PSMA1: variants seen among roughly 807,000 people sequenced by gnomAD.
PSMA1 encodes the protein proteasome subunit alpha type-1.
A neutral mutation model predicts 38.4 loss-of-function variants in PSMA1; 3 were observed. The ratio of observed to expected loss-of-function variants is 0.08; its 90% CI spans 0.04 to 0.20. PSMA1 has a LOEUF of 0.20. Among genes scored for constraint, PSMA1 ranks in the 10% least tolerant of loss-of-function variants. The pLI is 1.00. For missense variants in PSMA1, 227 were observed against 325.3 expected (o/e 0.70, Z 2.32); for synonymous variants, 101 against 107.1 (o/e 0.94, Z 0.35).
At chr11:14,603,659 G>A (rs1852610645) in intron 2 of PSMA1, among the ~76,000 whole-genome samples, 1 of 152,180 alleles carries the variant, frequency 6.6e-6, no homozygotes, top group Admixed American at 6.5e-5. Flanking sequence ...GTAAGACAAA[G>A]ATGGAAATTA....
chr11:14,541,863 T>C (rs887834208), intron 2 of PSMA1, among the ~76,000 whole-genome samples: 1 of 152,234 alleles, frequency 6.6e-6, no homozygotes, highest in African/African-American at 2.4e-5. Context: ...TCTGCAGATA[T>C]CCTATAGTCT....
chr11:14,640,256 CTG>C (rs1853182308), intron 1 of PSMA1, among the ~76,000 whole-genome samples: 1 of 152,010 alleles, frequency 6.6e-6, no homozygotes, highest in African/African-American at 2.4e-5. Context: ...AGAAGGAAGA[CTG>C]TAAGAGAGAG....
At chr11:14,558,982 G>A (rs1338475347) in intron 2 of PSMA1, among the ~76,000 whole-genome samples, 1 of 152,206 alleles carries the variant, frequency 6.6e-6, no homozygotes, top group East Asian at 1.9e-4. Flanking sequence ...GCAAGACTCA[G>A]CCAGACCACC....
intron 2 of PSMA1, among the ~76,000 whole-genome samples, chr11:14,529,642 A>G (rs1168641418): frequency 6.6e-6 from 1 of 152,242 alleles, no homozygotes; most frequent in Non-Finnish European, 1.5e-5. Context: ...AGATGTTTAC[A>G]GTTGACACTT....
Position 14,517,870 on chromosome 11 carries a change from C to T in PSMA1, c.150+10G>A. 6.3e-7 allele frequency: 1 copy of T among 1,586,108 alleles called. No individual in the cohort carries two copies. The highest frequency in any genetic ancestry group is 8.6e-7 in the Non-Finnish European group (1 of 1,164,390). ...TCTACAGAGGAAGACATATTTATTA[C>T]TGTACTTACTTTCAATGCAACCAAA... is the stretch of plus-strand genomic sequence containing the variant. On this transcript the variant is annotated intron_variant, in intron 3 of 9. Coordinates refer to ENST00000396394, the MANE Select transcript of PSMA1 (RefSeq NM_002786.4).
At chr11:14,556,224 T>C (rs1851939887) in intron 2 of PSMA1, among the ~76,000 whole-genome samples, 1 of 152,240 alleles carries the variant, frequency 6.6e-6, no homozygotes, top group African/African-American at 2.4e-5. Context: ...GTGTATTTCT[T>C]TGAGACCTAG....
chr11:14,510,962 T>C lies in PSMA1; in HGVS notation c.545-11A>G. ...GTTCATTTAAATTACCTATATGTAA[T>C]AAATTAACAATTATTTCTTAATTTC... On this transcript the variant is annotated splice_polypyrimidine_tract_variant and intron_variant, in intron 7 of 9. Transcript: ENST00000396394. 6.7e-7 allele frequency: 1 copy of C among 1,492,546 alleles called. No homozygotes were observed. Among genetic ancestry groups the C allele is most frequent in the South Asian group, 1.2e-5 (1 of 81,988 alleles). The allele number at this position is 1,492,546 out of a possible 1,614,324, so 92.5% of individuals were successfully genotyped here.
At chr11:14,530,354 T>C (rs1851634351) in intron 2 of PSMA1, among the ~76,000 whole-genome samples, 1 of 152,164 alleles carries the variant, frequency 6.6e-6, no homozygotes, top group Non-Finnish European at 1.5e-5. Flanking sequence ...TTTTGGGCAA[T>C]TTCTACTTTT....
At chr11:14,643,120 T>C (rs936415322) in intron 1 of PSMA1, among the ~76,000 whole-genome samples, 1 of 150,708 alleles carries the variant, frequency 6.6e-6, no homozygotes, top group Non-Finnish European at 1.5e-5. Context: ...CGTGGAGTGC[T>C]ACTAGAGTGC....
intron 2 of PSMA1, among the ~76,000 whole-genome samples, chr11:14,530,026 T>C (rs749510966): frequency 1.1e-3 from 166 of 152,352 alleles, no homozygotes; most frequent in Non-Finnish European, 2.0e-3. Context: ...TGCATTTGCC[T>C]ATACCTAGAA....
At chr11:14,541,092 T>A (rs1056002868) in intron 2 of PSMA1, among the ~76,000 whole-genome samples, 21 of 152,212 alleles carry the variant, frequency 1.4e-4, no homozygotes, top group African/African-American at 4.3e-4. Flanking sequence ...GCATAATTTT[T>A]AAAAAAAGAA....
At chr11:14,532,895 AAAAAAAATTT>A (rs1453782016) in intron 2 of PSMA1, among the ~76,000 whole-genome samples, 3 of 151,236 alleles carry the variant, frequency 2.0e-5, no homozygotes, top group African/African-American at 7.4e-5. Flanking sequence ...CTGTCTCAAA[AAAAAAAATTT>A]AAAAAAAATC....
intron 2 of PSMA1, among the ~76,000 whole-genome samples, chr11:14,576,493 C>T (rs1308764543): frequency 2.0e-5 from 3 of 152,212 alleles, no homozygotes; most frequent in Non-Finnish European, 2.9e-5. Flanking sequence ...TAGCTTTCTA[C>T]ATATGGCTAG....
intron 2 of PSMA1, among the ~76,000 whole-genome samples, chr11:14,528,678 A>C (rs1851614069): frequency 6.6e-6 from 1 of 152,198 alleles, no homozygotes; most frequent in African/African-American, 2.4e-5. Flanking sequence ...AGTGACCTGC[A>C]CGTATACATC....
intron 4 of PSMA1, among the ~76,000 whole-genome samples, chr11:14,516,992 A>G (rs1851440060): frequency 6.6e-6 from 1 of 152,228 alleles, no homozygotes; most frequent in Non-Finnish European, 1.5e-5. Context: ...TTCAGTGTTT[A>G]GGTATTTAGC....
chr11:14,639,635 C>T (rs1027808693), intron 1 of PSMA1, among the ~76,000 whole-genome samples: 8 of 152,142 alleles, frequency 5.3e-5, no homozygotes, highest in African/African-American at 1.7e-4. Context: ...TAACAAACTC[C>T]AGTTCCATTA....
intron 1 of PSMA1, among the ~76,000 whole-genome samples, chr11:14,634,119 G>A (rs1022968141): frequency 1.3e-5 from 2 of 152,300 alleles, no homozygotes; most frequent in African/African-American, 4.8e-5. Context: ...CACACTGAGA[G>A]CTGTAGACCC....
intron 1 of PSMA1, among the ~76,000 whole-genome samples, chr11:14,629,915 A>G (rs368216882): frequency 8.6e-5 from 13 of 152,028 alleles, no homozygotes; most frequent in African/African-American, 3.1e-4. Context: ...TAGGTATTTT[A>G]TTCTCTTTGA....
At chr11:14,581,197 C>T (rs139446300) in intron 2 of PSMA1, among the ~76,000 whole-genome samples, 7 of 152,264 alleles carry the variant, frequency 4.6e-5, no homozygotes, top group African/African-American at 7.2e-5. Flanking sequence ...CCAATTCTGA[C>T]GAAAGTGAAC....
Sources: allele counts gnomAD v4.1 joint callset (sites outside exome capture counted in the v4.1 genomes callset), GRCh38; gene constraint gnomAD v4.1.1; transcripts MANE v1.5; gene names NCBI Gene and HGNC (gene_info 2026-07-23, HGNC 2026-07-21).